MTUS2: variants seen among roughly 807,000 people sequenced by gnomAD.
MTUS2 encodes microtubule-associated tumor suppressor candidate 2.
A neutral mutation model predicts 114.1 loss-of-function variants in MTUS2; 40 were observed. The observed-to-expected ratio is 0.35, with a 90% CI of 0.27 to 0.46. MTUS2 has a LOEUF of 0.46. Among genes scored for constraint, MTUS2 ranks in the 20% least tolerant of loss-of-function variants. The pLI is 1.00. For missense variants in MTUS2, 1,679 were observed against 1,705.4 expected (o/e 0.98, Z 0.27); for synonymous variants, 688 against 672.0 (o/e 1.02, Z -0.37).
chr13:28,968,152 T>A (rs962863302), intron 2 of MTUS2, among the ~76,000 whole-genome samples: 25 of 152,340 alleles, frequency 1.6e-4, no homozygotes, highest in Admixed American at 1.6e-3. Context: ...TTTTGAGGTA[T>A]CATTGTGTCT....
intron 5 of MTUS2, among the ~76,000 whole-genome samples, chr13:29,192,017 G>T (rs1340963543): frequency 1.3e-4 from 20 of 152,206 alleles, no homozygotes; most frequent in Non-Finnish European, 1.5e-5. Flanking sequence ...CAGTATAGAA[G>T]TCCGTAAGGA....
At chr13:29,234,136 T>C (rs1461056566) in intron 5 of MTUS2, among the ~76,000 whole-genome samples, 1 of 152,126 alleles carries the variant, frequency 6.6e-6, no homozygotes, top group Non-Finnish European at 1.5e-5. Context: ...GATAATATGG[T>C]TTTATAATAT....
chr13:29,389,556 TGTGTATATGTGTAC>T lies in MTUS2; in HGVS notation c.3117+30084_3117+30097del, dbSNP rs1873063644. Among the ~76,000 whole-genome samples, 5 of 62,596 alleles carry T rather than the reference TGTGTATATGTGTAC, an allele frequency of 8.0e-5. 1 individual carries two copies. Among genetic ancestry groups the T allele is most frequent in the African/African-American group, 1.1e-4 (2 of 18,996 alleles). 41.1% of individuals were successfully genotyped at this position (62,596 alleles called of 152,430 possible). A position where few individuals can be genotyped will look rare whatever the true frequency, so the allele number is the denominator to read the frequency against. On this transcript the variant is annotated intron_variant, in intron 8 of 15. Transcript: ENST00000612955. ...ATACACGTGTGTATATGTATACACG[TGTGTATATGTGTAC>T]ATATGTGTGTATACGTATACATATG...
chr13:29,043,632 T>G lies in MTUS2; in HGVS notation c.2446+9507T>G, dbSNP rs538399605. ...AATTTGGGAGCTCCAGTGTTAGAGA[T>G]ATATATATATATATTTAGGGTTGTG... On this transcript the variant is annotated intron_variant, in intron 4 of 15. Coordinates refer to ENST00000612955, the MANE Select transcript of MTUS2 (RefSeq NM_001033602.4). 1.1e-3 allele frequency among the ~76,000 whole-genome samples: 161 copies of G among 150,614 alleles called. 1 individual carries two copies. Among genetic ancestry groups the G allele is most frequent in the African/African-American group, 3.7e-3 (151 of 41,266 alleles).
At chr13:29,185,048 C>T (rs937660505) in intron 5 of MTUS2, among the ~76,000 whole-genome samples, 1 of 151,788 alleles carries the variant, frequency 6.6e-6, no homozygotes, top group Non-Finnish European at 1.5e-5. Context: ...ACAATGCCTC[C>T]CTAAATATAA....
At chr13:28,989,015 T>C (rs573039830) in intron 2 of MTUS2, among the ~76,000 whole-genome samples, 11 of 152,238 alleles carry the variant, frequency 7.2e-5, no homozygotes, top group Non-Finnish European at 1.5e-4. Flanking sequence ...GGCTGCACTT[T>C]GAGTCAATTG....
At chr13:28,930,431 T>TC (rs1183495892) in intron 2 of MTUS2, among the ~76,000 whole-genome samples, 2 of 152,178 alleles carry the variant, frequency 1.3e-5, no homozygotes, top group Non-Finnish European at 2.9e-5. Flanking sequence ...CTTCCTCTGT[T>TC]CCATTGGGCT....
intron 8 of MTUS2, among the ~76,000 whole-genome samples, chr13:29,398,747 TA>T (rs1410247981): frequency 6.6e-6 from 1 of 152,010 alleles, no homozygotes; most frequent in Non-Finnish European, 1.5e-5. Flanking sequence ...ACAATTTTTT[TA>T]AAAAATCACA....
At chr13:28,979,603 A>T (rs1884268282) in intron 2 of MTUS2, among the ~76,000 whole-genome samples, 1 of 152,152 alleles carries the variant, frequency 6.6e-6, no homozygotes, top group Non-Finnish European at 1.5e-5. Flanking sequence ...AGAAGAGTTA[A>T]ATGGTAAAAC....
chr13:29,401,553 G>T (rs6490405), intron 8 of MTUS2, among the ~76,000 whole-genome samples: 37,634 of 151,974 alleles, frequency 0.25, 5,129 homozygotes, highest in Admixed American at 0.35. Context: ...AGATAGAGGG[G>T]TTTTTTCCCC....
At chr13:28,892,700 C>T (rs936586994) in intron 2 of MTUS2, among the ~76,000 whole-genome samples, 3 of 152,120 alleles carry the variant, frequency 2.0e-5, no homozygotes, top group Non-Finnish European at 4.4e-5. Context: ...TCTTCTCTTT[C>T]CCTTATCTCC....
intron 4 of MTUS2, among the ~76,000 whole-genome samples, chr13:29,068,028 A>G (rs1045701742): frequency 1.3e-5 from 2 of 152,216 alleles, no homozygotes; most frequent in African/African-American, 4.8e-5. Context: ...TATACTTTCT[A>G]CCAAGGAAGT....
At chr13:28,906,229 A>G (rs1402413331) in intron 2 of MTUS2, among the ~76,000 whole-genome samples, 3 of 151,070 alleles carry the variant, frequency 2.0e-5, no homozygotes, top group African/African-American at 7.3e-5. Flanking sequence ...TAATTTTTTG[A>G]AGTGTTTTTT....
At chr13:29,396,908 A>G (rs951998159) in intron 8 of MTUS2, among the ~76,000 whole-genome samples, 4 of 152,228 alleles carry the variant, frequency 2.6e-5, no homozygotes, top group African/African-American at 9.6e-5. Flanking sequence ...TGGCCATCAA[A>G]TAAAAGACAG....
intron 5 of MTUS2, among the ~76,000 whole-genome samples, chr13:29,146,520 TC>T (rs1892440236): frequency 2.0e-5 from 3 of 152,230 alleles, no homozygotes; most frequent in Admixed American, 1.3e-4. Context: ...GCATCCAATT[TC>T]AGCAGCTGCC....
At chr13:29,384,868 A>C (rs1004391531) in intron 8 of MTUS2, among the ~76,000 whole-genome samples, 1 of 152,220 alleles carries the variant, frequency 6.6e-6, no homozygotes, top group African/African-American at 2.4e-5. Context: ...CTGAAAACAG[A>C]CCACAGCTCC....
chr13:28,876,032 T>A (rs546402829), intron 2 of MTUS2, among the ~76,000 whole-genome samples: 5 of 152,368 alleles, frequency 3.3e-5, no homozygotes, highest in African/African-American at 1.2e-4. Context: ...GCTTAGCTAA[T>A]AGCTGAAACA....
At chr13:29,112,767 GA>G (rs1415586410) in intron 5 of MTUS2, among the ~76,000 whole-genome samples, 1 of 152,152 alleles carries the variant, frequency 6.6e-6, no homozygotes, top group Non-Finnish European at 1.5e-5. Flanking sequence ...CATGAAGACA[GA>G]AACAAAGGCA....
At chr13:28,961,459 A>G (rs1883325590) in intron 2 of MTUS2, among the ~76,000 whole-genome samples, 3 of 152,318 alleles carry the variant, frequency 2.0e-5, no homozygotes, top group Admixed American at 2.0e-4. Context: ...TGTGGAGAGC[A>G]GAGCAAAGTG....
Sources: gnomAD v4.1 joint callset for allele counts (sites outside exome capture counted in the v4.1 genomes callset) on GRCh38, gnomAD v4.1.1 for gene constraint, MANE v1.5 for transcripts, NCBI Gene and HGNC (gene_info 2026-07-23, HGNC 2026-07-21) for gene names.